OR2L13: variants seen among roughly 807,000 people sequenced by gnomAD.
The protein encoded by OR2L13 is olfactory receptor family 2 subfamily L member 13.
OR2L13 carries 14 observed loss-of-function variants against 15.3 expected under a neutral mutation model. The observed-to-expected ratio is 0.91, with a 90% CI of 0.60 to 1.43. OR2L13 has a LOEUF of 1.43. OR2L13 is among the 40% of genes most tolerant of loss of function. The probability of loss-of-function intolerance (pLI) is 0.00; values close to 1 mark genes in which losing one functional copy is unlikely to be tolerated. For synonymous variants in OR2L13, 152 were observed against 142.9 expected (o/e 1.06, Z -0.45); for missense variants, 367 against 387.9 (o/e 0.95, Z 0.45).
the OR2L13 span, among the ~76,000 whole-genome samples, chr1:247,937,687 C>A: frequency 3.9e-4 from 59 of 150,986 alleles, no homozygotes; most frequent in Non-Finnish European, 1.5e-5. Flanking sequence ...TCTGGGGCCT[C>A]CTCTCCCAGG....
chr1:248,063,847 C>T, the OR2L13 span, among the ~76,000 whole-genome samples: 12 of 152,300 alleles, frequency 7.9e-5, no homozygotes, highest in East Asian at 2.3e-3. Context: ...AGGCAAATTG[C>T]CCCACGTGGG....
the OR2L13 span, chr1:248,039,670 C>T: frequency 1.3e-5 from 2 of 153,062 alleles, no homozygotes; most frequent in Admixed American, 6.5e-5. Flanking sequence ...GAAATCAAAA[C>T]AATAAAGGTC....
chr1:247,944,292 T>A, the OR2L13 span, among the ~76,000 whole-genome samples: 9 of 151,934 alleles, frequency 5.9e-5, no homozygotes, highest in Admixed American at 2.6e-4. Flanking sequence ...ATTATTTTTT[T>A]AATAATTATT....
the OR2L13 span, among the ~76,000 whole-genome samples, chr1:248,015,945 T>C: frequency 6.6e-6 from 1 of 152,174 alleles, no homozygotes; most frequent in Non-Finnish European, 1.5e-5. Context: ...AAAACTGCAG[T>C]ATCTAGACAC....
the OR2L13 span, among the ~76,000 whole-genome samples, chr1:248,079,622 G>A: frequency 6.6e-6 from 1 of 151,982 alleles, no homozygotes; most frequent in South Asian, 2.1e-4. Flanking sequence ...TAGACAAAGG[G>A]TAAAACATAG....
the OR2L13 span, among the ~76,000 whole-genome samples, chr1:247,977,450 C>T: frequency 6.6e-6 from 1 of 152,156 alleles, no homozygotes; most frequent in African/African-American, 2.4e-5. Context: ...AGGCAATAGT[C>T]ATGGGAATGA....
At chr1:248,030,027 G>T in the OR2L13 span, 3 of 152,074 alleles carry the variant, frequency 2.0e-5, no homozygotes, top group Non-Finnish European at 4.4e-5. Context: ...TCATTCTCCA[G>T]CTAAAAAGGA....
the OR2L13 span, among the ~76,000 whole-genome samples, chr1:248,082,354 T>C: frequency 6.9e-4 from 1 of 1,446 alleles, no homozygotes; most frequent in African/African-American, 2.3e-3. Flanking sequence ...GGGTGGGGGG[T>C]GGGGGGAGGG....
the OR2L13 span, among the ~76,000 whole-genome samples, chr1:248,075,061 C>T: frequency 6.6e-6 from 1 of 152,106 alleles, no homozygotes; most frequent in African/African-American, 2.4e-5. Context: ...TGTGATGTTC[C>T]CCACCCTGTG....
the OR2L13 span, among the ~76,000 whole-genome samples, chr1:248,000,486 C>T: frequency 6.6e-6 from 1 of 152,134 alleles, no homozygotes; most frequent in Non-Finnish European, 1.5e-5. Flanking sequence ...ACTTTCAACT[C>T]TAAATTGAAG....
chr1:248,089,617 G>A, the OR2L13 span, among the ~76,000 whole-genome samples: 1 of 152,112 alleles, frequency 6.6e-6, no homozygotes, highest in African/African-American at 2.4e-5. Flanking sequence ...CAATAGCCAA[G>A]GAAGTTAAAA....
At chr1:248,048,919 C>CTTT in the OR2L13 span, among the ~76,000 whole-genome samples, 167 of 138,242 alleles carry the variant, frequency 1.2e-3, no homozygotes, top group African/African-American at 5.2e-3. Flanking sequence ...CCTTTTCTCT[C>CTTT]TCTCTTTTTT....
At chr1:248,000,191 G>A in the OR2L13 span, among the ~76,000 whole-genome samples, 2 of 150,248 alleles carry the variant, frequency 1.3e-5, no homozygotes, top group Non-Finnish European at 3.0e-5. Context: ...ATTTTAAGGA[G>A]ACCAGCCTTA....
chr1:248,060,343 A>C, the OR2L13 span, among the ~76,000 whole-genome samples: 1 of 152,180 alleles, frequency 6.6e-6, no homozygotes, highest in Non-Finnish European at 1.5e-5. Context: ...CTCTTTCAAA[A>C]TAGGTAAGAA....
chr1:248,035,655 T>C, the OR2L13 span: 4 of 152,270 alleles, frequency 2.6e-5, no homozygotes, highest in East Asian at 5.8e-4. Context: ...TACCAGTTTT[T>C]CCCTATTTTT....
the OR2L13 span, among the ~76,000 whole-genome samples, chr1:248,013,028 A>T: frequency 2.0e-5 from 3 of 151,822 alleles, no homozygotes; most frequent in Non-Finnish European, 4.4e-5. Context: ...ATCTATTTTC[A>T]TAAGAGAAAA....
the OR2L13 span, among the ~76,000 whole-genome samples, chr1:248,035,314 T>G: frequency 6.6e-6 from 1 of 152,030 alleles, no homozygotes; most frequent in African/African-American, 2.4e-5. Flanking sequence ...GCCAGCTTGG[T>G]GGCAGGTGCC....
the OR2L13 span, among the ~76,000 whole-genome samples, chr1:247,960,272 A>G: frequency 7.9e-5 from 12 of 152,246 alleles, no homozygotes; most frequent in East Asian, 1.7e-3. Context: ...GTGAACAGCA[A>G]GTGTTGCCGC....
At chr1:248,021,842 A>G in the OR2L13 span, 2 of 774,244 alleles carry the variant, frequency 2.6e-6, no homozygotes, top group Non-Finnish European at 4.3e-6. Context: ...CTGCAATTTC[A>G]GGCATTCACT....
Sources: gnomAD v4.1 joint callset for allele counts (sites outside exome capture counted in the v4.1 genomes callset) on GRCh38, gnomAD v4.1.1 for gene constraint, MANE v1.5 for transcripts, NCBI Gene and HGNC (gene_info 2026-07-23, HGNC 2026-07-21) for gene names.